ABHD12: variants seen among roughly 807,000 people sequenced by gnomAD.
ABHD12 encodes the protein abhydrolase domain containing 12, lysophospholipase.
ABHD12 carries 43 observed loss-of-function variants against 58.3 expected under a neutral mutation model. The observed-to-expected ratio is 0.74, with a 90% CI of 0.58 to 0.95. ABHD12 has a LOEUF of 0.95. ABHD12 is among the 40% of genes least tolerant of loss of function. The pLI, the probability that ABHD12 is intolerant of heterozygous loss-of-function variation, is 0.00. For missense variants in ABHD12, 539 were observed against 537.2 expected (o/e 1.00, Z -0.03); for synonymous variants, 219 against 211.2 (o/e 1.04, Z -0.32).
chr20:25,299,422 G>A (rs762192900), downstream of ABHD12, among the ~76,000 whole-genome samples: 1 of 151,862 alleles, frequency 6.6e-6, no homozygotes, highest in Non-Finnish European at 1.5e-5. Flanking sequence ...CCCACCAGGA[G>A]CTTGTATTTT....
chr20:25,322,492 G>C (rs1313387605), intron 3 of ABHD12, among the ~76,000 whole-genome samples: 1 of 147,118 alleles, frequency 6.8e-6, no homozygotes, highest in Non-Finnish European at 1.5e-5. Flanking sequence ...CAATTCTCTT[G>C]CCTCAAACTC....
At chr20:25,387,044 C>T (rs1474621827) in intron 1 of ABHD12, among the ~76,000 whole-genome samples, 1 of 152,112 alleles carries the variant, frequency 6.6e-6, no homozygotes, top group Non-Finnish European at 1.5e-5. Context: ...CACAGATGTA[C>T]ACTGGCATTT....
intron 1 of ABHD12, 139 bp from the exon 2 acceptor site, chr20:25,339,490 A>G (rs1319601770): frequency 5.6e-6 from 8 of 1,424,610 alleles, no homozygotes; most frequent in Non-Finnish European, 6.8e-6. Flanking sequence ...TAATAAAAGT[A>G]GCCTCCCACC....
At chr20:25,364,406 C>T (rs2089792051) in intron 1 of ABHD12, among the ~76,000 whole-genome samples, 1 of 152,128 alleles carries the variant, frequency 6.6e-6, no homozygotes, top group Non-Finnish European at 1.5e-5. Context: ...AGGTTGCTTC[C>T]ACTCAGGGTG....
In ABHD12 at chr20:25,309,466, C is replaced by G; in HGVS notation, c.729G>C (p.Trp243Cys). 1 of 1,614,152 alleles carries G rather than the reference C, an allele frequency of 6.2e-7. No homozygotes were observed. The highest frequency in any genetic ancestry group is 8.5e-7 in the Non-Finnish European group (1 of 1,180,010). Residue 243 changes from tryptophan (W) to cysteine (C), a missense_variant, in exon 7 of 13, where the codon TGG becomes TGC. Transcript: ENST00000339157. ...CTTACCCAGTGCCCAGAGAGTGGCCCCAGATGTACACGGGGTTGTCACCAC... is the reference window on the plus strand; with the variant it reads ...CTTACCCAGTGCCCAGAGAGTGGCCGCAGATGTACACGGGGTTGTCACCAC... ...ARSGDNPVYI[W>C]GHSLGTGVAT...
chr20:25,370,542 T>C (rs1390709923), intron 1 of ABHD12, among the ~76,000 whole-genome samples: 1 of 152,178 alleles, frequency 6.6e-6, no homozygotes, highest in Non-Finnish European at 1.5e-5. Flanking sequence ...CCCATAATAA[T>C]TTCCCCTTGT....
chr20:25,352,069 G>A (rs912467000), intron 1 of ABHD12, among the ~76,000 whole-genome samples: 11 of 150,552 alleles, frequency 7.3e-5, no homozygotes, highest in African/African-American at 1.5e-4. Flanking sequence ...TCGGCTCACC[G>A]CAACCTCCAC....
chr20:25,337,412 GCCATGGGGCTGGACCAGGAGAAC>G (rs1168906486), intron 2 of ABHD12, among the ~76,000 whole-genome samples: 3 of 152,250 alleles, frequency 2.0e-5, no homozygotes, highest in African/African-American at 7.2e-5. Context: ...CCTCTCCCAT[GCCATGGGGCTGGACCAGGAGAAC>G]CCAAAGTTCT....
chr20:25,356,590 C>T (rs1187366338), intron 1 of ABHD12, among the ~76,000 whole-genome samples: 1 of 152,242 alleles, frequency 6.6e-6, no homozygotes, highest in Non-Finnish European at 1.5e-5. Context: ...TCCAGGGTAA[C>T]TGTTTGAACA....
intron 2 of ABHD12, among the ~76,000 whole-genome samples, chr20:25,332,445 A>C (rs966958830): frequency 7.2e-6 from 1 of 139,190 alleles, no homozygotes; most frequent in Non-Finnish European, 1.6e-5. Flanking sequence ...TCAGCTCTGC[A>C]CCAAGAAGAC....
rs1204690591 is a variant in ABHD12, at chr20:25,306,903, A to G, written c.880T>C (p.Phe294Leu). 6.2e-7 allele frequency: 1 copy of G among 1,611,080 alleles called. No individual in the cohort carries two copies. Residue 294 changes from phenylalanine (F) to leucine (L), a missense_variant, in exon 10 of 13, where the codon TTC (phenylalanine) becomes CTC (leucine). By Grantham distance (22) the Phe-to-Leu change is conservative. Transcript: ENST00000339157. ...SHPFSVIYRY[F>L]PGFDWFFLDP... is the part of the protein sequence containing the mutation. Reference sequence around the variant, plus strand: ...AGGAAGAACCAGTCAAACCCAGGGAAGTATCGATATATCTGGAGACAAGAT... The same window carrying G: ...AGGAAGAACCAGTCAAACCCAGGGAGGTATCGATATATCTGGAGACAAGAT...
chr20:25,322,239 C>T (rs1343503989), intron 3 of ABHD12, among the ~76,000 whole-genome samples: 1 of 151,368 alleles, frequency 6.6e-6, no homozygotes, highest in Non-Finnish European at 1.5e-5. Flanking sequence ...CCAGTGTAAA[C>T]TTATGGCTTA....
At chr20:25,300,134 G>A (rs962210737), downstream of ABHD12, 8 of 930,096 alleles carry the variant, frequency 8.6e-6, no homozygotes, top group South Asian at 2.0e-4. Flanking sequence ...GCTCCAAAGC[G>A]GCTAGAGGCT....
Position 25,304,620 on chromosome 20 carries a change from T to G in ABHD12, c.951-992A>C, listed in dbSNP as rs148044634. Among the ~76,000 whole-genome samples the G allele has an allele frequency of 9.2e-5, 14 of 152,350 alleles. No individual in the cohort carries two copies. In the East Asian group the frequency reaches 2.5e-3, roughly 27 times the overall value. ...GTCTTGCTCTTTCACCAGGCTGGAG[T>G]GCAGTGGTGCGATCTCAGCTCACTG... On this transcript the variant is annotated intron_variant, in intron 10 of 12. Transcript: ENST00000339157.
Position 25,390,666 on chromosome 20 carries a change from T to C in ABHD12, c.38A>G (p.Glu13Gly). Residue 13 changes from glutamate (E) to glycine (G), a missense_variant, in exon 1 of 13, where the codon GAG (glutamate) becomes GGG (glycine). Physicochemically the swap from Glu to Gly is moderately conservative, Grantham distance 98 (BLOSUM62 -2). Transcript: ENST00000339157. ...GGACGAGCCCGCGGCGGCGCAGCGC[T>C]CATGCTCCAAGGCGACGGGCTCGGT... is the stretch of plus-strand genomic sequence containing the variant. ...KRTEPVALEH[E>G]RCAAAGSSSS... The C allele has an allele frequency of 2.1e-6, 3 of 1,436,122 alleles. No individual in the cohort carries two copies. The highest frequency in any genetic ancestry group is 2.7e-6 in the Non-Finnish European group (3 of 1,097,880). The allele number at this position is 1,436,122 out of a possible 1,614,324, so 89.0% of individuals were successfully genotyped here.
intron 1 of ABHD12, among the ~76,000 whole-genome samples, chr20:25,374,178 A>T (rs748498929): frequency 3.3e-5 from 5 of 151,836 alleles, no homozygotes; most frequent in Non-Finnish European, 5.9e-5. Context: ...CTCCTTCTTT[A>T]TCCTCCCAAA....
In ABHD12 at chr20:25,317,068, G is replaced by A. The variant is rs1331218985; in HGVS notation, c.553C>T (p.His185Tyr). 2 of 1,612,410 alleles carry A rather than the reference G, an allele frequency of 1.2e-6. No individual in the cohort carries two copies. Among genetic ancestry groups the A allele is most frequent in the African/African-American group, 1.3e-5 (1 of 74,886 alleles). Residue 185 changes from histidine to tyrosine, a missense_variant, in exon 5 of 13, where the codon CAC (histidine) becomes TAC (tyrosine). By Grantham distance (83) the His-to-Tyr change is moderately conservative. Transcript: ENST00000339157. ...CTCACCTTGTAAAGCTCCACGCGGT[G>A]GTCGCCTCCTCTGGAGAAGAAAACA... ...HGNAGTRGGD[H>Y]RVELYKVLSS...
intron 10 of ABHD12, among the ~76,000 whole-genome samples, chr20:25,305,874 A>G (rs903918671): frequency 6.6e-6 from 1 of 152,170 alleles, no homozygotes; most frequent in Non-Finnish European, 1.5e-5. Flanking sequence ...TTTCTGATTA[A>G]GTCAGTATCA....
At chr20:25,314,021 G>A (rs535524945) in intron 6 of ABHD12, among the ~76,000 whole-genome samples, 1 of 150,838 alleles carries the variant, frequency 6.6e-6, no homozygotes, top group South Asian at 2.1e-4. Context: ...CGCCAAGGCT[G>A]GAGTACAGTG....
Sources: gnomAD v4.1 joint callset for allele counts (sites outside exome capture counted in the v4.1 genomes callset) on GRCh38, gnomAD v4.1.1 for gene constraint, MANE v1.5 for transcripts, NCBI Gene and HGNC (gene_info 2026-07-23, HGNC 2026-07-21) for gene names.